SHISA6: variants seen among roughly 807,000 people sequenced by gnomAD.
SHISA6 encodes the protein protein shisa-6.
In SHISA6, 22 loss-of-function variants were observed where a neutral mutation model predicts 47.9. That is an observed-to-expected ratio of 0.46 (90% CI 0.33 to 0.66). The LOEUF is 0.66. SHISA6 is among the 30% of genes least tolerant of loss of function. SHISA6 has a pLI of 0.02. For missense variants in SHISA6, 680 were observed against 764.6 expected (o/e 0.89, Z 1.30); for synonymous variants, 388 against 337.8 (o/e 1.15, Z -1.63).
At chr17:11,342,875 T>C (rs1911586394) in intron 2 of SHISA6, among the ~76,000 whole-genome samples, 1 of 152,166 alleles carries the variant, frequency 6.6e-6, no homozygotes, top group African/African-American at 2.4e-5. Flanking sequence ...TTTCAAGCTG[T>C]GTGAATTGCA....
intron 2 of SHISA6, among the ~76,000 whole-genome samples, chr17:11,324,009 G>T (rs955848041): frequency 6.6e-6 from 1 of 152,128 alleles, no homozygotes; most frequent in African/African-American, 2.4e-5. Context: ...TAAAATGATT[G>T]AGGGAGCCCT....
At chr17:11,374,382 G>C (rs1235060719) in intron 2 of SHISA6, among the ~76,000 whole-genome samples, 2 of 151,574 alleles carry the variant, frequency 1.3e-5, no homozygotes, top group Admixed American at 1.3e-4. Flanking sequence ...TCTAGTTTTT[G>C]ACTTGAGTCT....
At position 11,241,889 on chromosome 17, in the gene SHISA6, C is replaced by T. The variant is rs768546734; in HGVS notation, c.467C>T (p.Thr156Ile). The T allele has an allele frequency of 2.6e-5, 40 of 1,551,126 alleles. No homozygotes were observed. Among genetic ancestry groups the T allele is most frequent in the Non-Finnish European group, 1.5e-5 (17 of 1,147,032 alleles). ...QSPVWVQTPSTKVVSPGPENK... is the reference protein window; with the variant it reads ...QSPVWVQTPSIKVVSPGPENK... ...CCGGTGTGGGTACAGACGCCCAGCA[C>T]CAAGGTGGTGTCGCCGGGGCCCGAG... Residue 156 changes from threonine (T) to isoleucine (I), a missense_variant, in exon 1 of 6, where the codon ACC becomes ATC. Thr to Ile is a moderately conservative substitution (Grantham distance 89). Coordinates refer to ENST00000441885, the MANE Select transcript of SHISA6 (RefSeq NM_207386.4). This position sits in a 1 kb window ranked among gnomAD's most constrained non-coding sequence, Gnocchi z 5.5.
At chr17:11,280,002 C>A (rs1278898778) in intron 2 of SHISA6, among the ~76,000 whole-genome samples, 1 of 152,136 alleles carries the variant, frequency 6.6e-6, no homozygotes, top group Admixed American at 6.5e-5. Context: ...GGTCTGTGGG[C>A]TCGAGTGAGT....
At chr17:11,245,063 C>T (rs1907523793) in intron 1 of SHISA6, among the ~76,000 whole-genome samples, 1 of 152,192 alleles carries the variant, frequency 6.6e-6, no homozygotes, top group African/African-American at 2.4e-5. Context: ...GAAGATATTT[C>T]ATCATTTCCA....
At chr17:11,245,383 T>C (rs1009329704) in intron 1 of SHISA6, among the ~76,000 whole-genome samples, 3 of 152,216 alleles carry the variant, frequency 2.0e-5, no homozygotes, top group African/African-American at 7.2e-5. Context: ...TCCACAGATT[T>C]TGCTATTTCC....
chr17:11,279,880 G>A (rs1012443317), intron 2 of SHISA6, among the ~76,000 whole-genome samples: 3 of 152,038 alleles, frequency 2.0e-5, no homozygotes, highest in African/African-American at 4.8e-5. Flanking sequence ...GCAGGCTCAC[G>A]CTCTCAGTGC....
chr17:11,347,622 A>G (rs182185698), intron 2 of SHISA6, among the ~76,000 whole-genome samples: 4 of 152,344 alleles, frequency 2.6e-5, no homozygotes, highest in African/African-American at 7.2e-5. Flanking sequence ...TAGAAAGTCA[A>G]TTGCAAGCTG....
At chr17:11,267,710 A>T (rs1410680971) in intron 2 of SHISA6, among the ~76,000 whole-genome samples, 2 of 152,174 alleles carry the variant, frequency 1.3e-5, no homozygotes, top group African/African-American at 4.8e-5. Context: ...GATCTGCAAG[A>T]TGCAGACTGG....
intron 3 of SHISA6, among the ~76,000 whole-genome samples, chr17:11,465,981 T>C (rs1298514801): frequency 6.6e-6 from 1 of 152,122 alleles, no homozygotes; most frequent in Non-Finnish European, 1.5e-5. Flanking sequence ...AAAGTTCTTA[T>C]AAAACGGAGT....
intron 3 of SHISA6, among the ~76,000 whole-genome samples, chr17:11,455,524 C>T (rs915213826): frequency 1.3e-5 from 2 of 150,652 alleles, no homozygotes; most frequent in East Asian, 1.9e-4. Flanking sequence ...TGTGTACAAG[C>T]GTGGAAGTGT....
chr17:11,552,468 A>G lies in SHISA6; in HGVS notation c.952+516A>G, dbSNP rs565723150. ...TAGCATAGTGCCCAAGGGTTATAAA[A>G]CTATGTTTCCCTCTTAGATTATAAT... On this transcript the variant is annotated intron_variant, in intron 4 of 5. Transcript: ENST00000441885. Among the ~76,000 whole-genome samples the G allele has an allele frequency of 5.3e-5, 8 of 152,324 alleles. No individual in the cohort carries two copies. In the East Asian group the frequency reaches 1.5e-3, roughly 29 times the overall value.
In SHISA6 at chr17:11,241,245, G is replaced by A. The variant is rs923502823; in HGVS notation, c.-178G>A. 12 of 181,950 alleles carry A rather than the reference G, an allele frequency of 6.6e-5. No individual in the cohort carries two copies. The highest frequency in any genetic ancestry group is 1.2e-4 in the Non-Finnish European group (12 of 99,064). 11.3% of individuals were successfully genotyped at this position (181,950 alleles called of 1,614,324 possible). ...CGAGCAGCCCGCGCCGGGCCGGTCC[G>A]TGCGCACCGCGCGCCGCCGCCGCCA... On this transcript the variant is annotated 5_prime_UTR_variant, in exon 1 of 6. In the 5' UTR this introduces an upstream ATG that the reference lacks. Coordinates refer to ENST00000441885, the MANE Select transcript of SHISA6 (RefSeq NM_207386.4). The surrounding 1 kb of genome is among the most constrained non-coding windows in gnomAD (Gnocchi z 5.5).
rs1456376743 is a variant in SHISA6, at chr17:11,558,068, G to A, written c.1420G>A (p.Ala474Thr). Reference sequence around the variant, plus strand: ...CTTTCCCGAGCAGTCGCTGTCCAGGGCCATCTCGCACACGGACGTCTTTGT... The same window carrying A: ...CTTTCCCGAGCAGTCGCTGTCCAGGACCATCTCGCACACGGACGTCTTTGT... Reference protein sequence around the residue: ...TAFPEQSLSRAISHTDVFVST... With the variant: ...TAFPEQSLSRTISHTDVFVST... Residue 474 changes from alanine to threonine, a missense_variant, in exon 6 of 6, where the codon GCC (alanine) becomes ACC (threonine). Ala to Thr is a moderately conservative substitution (Grantham distance 58). Around this residue, in one of 2 missense-constraint regions of SHISA6, gnomAD observed 559 missense variants for 674.1 expected, o/e 0.83. Transcript: ENST00000441885. 26 of 1,551,494 alleles carry A rather than the reference G, an allele frequency of 1.7e-5. No individual in the cohort carries two copies. Among genetic ancestry groups the A allele is most frequent in the Non-Finnish European group, 2.3e-5 (26 of 1,147,002 alleles).
At chr17:11,479,223 G>A (rs1365956446) in intron 3 of SHISA6, among the ~76,000 whole-genome samples, 1 of 151,956 alleles carries the variant, frequency 6.6e-6, no homozygotes, top group Non-Finnish European at 1.5e-5. Context: ...GGGTGACAGA[G>A]TGAGACTCCT....
intron 3 of SHISA6, among the ~76,000 whole-genome samples, chr17:11,486,337 GGTTT>G (rs1389129006): frequency 6.6e-6 from 1 of 152,226 alleles, no homozygotes; most frequent in Non-Finnish European, 1.5e-5. Context: ...GTACTGTAAT[GGTTT>G]GTTTTTCTTT....
intron 2 of SHISA6, among the ~76,000 whole-genome samples, chr17:11,293,311 G>A (rs1007439963): frequency 6.6e-6 from 1 of 152,144 alleles, no homozygotes; most frequent in Non-Finnish European, 1.5e-5. Flanking sequence ...TTTAGCAAAA[G>A]GTTACAGGGG....
At chr17:11,487,211 G>A (rs1384214039) in intron 3 of SHISA6, among the ~76,000 whole-genome samples, 4 of 152,130 alleles carry the variant, frequency 2.6e-5, no homozygotes, top group Non-Finnish European at 5.9e-5. Flanking sequence ...CCGTCGAGGG[G>A]CATCAAGAGC....
intron 2 of SHISA6, among the ~76,000 whole-genome samples, chr17:11,304,256 G>C (rs543309198): frequency 1.3e-5 from 2 of 152,318 alleles, no homozygotes; most frequent in South Asian, 4.1e-4. Flanking sequence ...GCACTGGGGA[G>C]GTGGCCGGGT....
Sources: gnomAD v4.1 joint callset for allele counts (sites outside exome capture counted in the v4.1 genomes callset) on GRCh38, gnomAD v4.1.1 for gene constraint, gnomAD v4.1.1 regional missense constraint, Gnocchi (gnomAD v3.1) non-coding constraint, MANE v1.5 for transcripts, NCBI Gene and HGNC (gene_info 2026-07-23, HGNC 2026-07-21) for gene names.